LRRC4C: variants seen among roughly 807,000 people sequenced by gnomAD.
LRRC4C encodes leucine-rich repeat-containing protein 4C.
A neutral mutation model predicts 33.6 loss-of-function variants in LRRC4C; 5 were observed. The observed-to-expected ratio is 0.15, with a 90% CI of 0.08 to 0.31. The LOEUF (loss-of-function observed/expected upper bound fraction) is 0.31. Ranked by LOEUF, LRRC4C falls within the 10% of genes least tolerant of loss-of-function variation. The pLI, the probability that LRRC4C is intolerant of heterozygous loss-of-function variation, is 1.00. For missense variants in LRRC4C, 560 were observed against 796.7 expected (o/e 0.70, Z 3.58); for synonymous variants, 329 against 302.0 (o/e 1.09, Z -0.93).
At chr11:40,975,508 A>G (rs1852020340) in intron 1 of LRRC4C, among the ~76,000 whole-genome samples, 1 of 152,164 alleles carries the variant, frequency 6.6e-6, no homozygotes, top group African/African-American at 2.4e-5. Context: ...CCTCAGGATG[A>G]CTTTTCATGA....
intron 1 of LRRC4C, among the ~76,000 whole-genome samples, chr11:40,997,834 A>C (rs1432823087): frequency 1.3e-5 from 2 of 152,146 alleles, no homozygotes; most frequent in Admixed American, 6.6e-5. Context: ...ATATTAATAT[A>C]CAAACTTGCA....
intron 5 of LRRC4C, among the ~76,000 whole-genome samples, chr11:40,173,871 A>G (rs899987311): frequency 3.9e-5 from 6 of 152,314 alleles, no homozygotes; most frequent in Admixed American, 3.3e-4. Context: ...ATGAATACTT[A>G]TGTTGGTAAA....
chr11:40,256,763 C>T (rs761945533), intron 4 of LRRC4C, among the ~76,000 whole-genome samples: 12 of 152,080 alleles, frequency 7.9e-5, no homozygotes, highest in South Asian at 2.1e-4. Context: ...ATCTTTACAG[C>T]CAGAATCTTA....
intron 3 of LRRC4C, among the ~76,000 whole-genome samples, chr11:40,430,337 A>G (rs893018823): frequency 6.6e-5 from 10 of 152,110 alleles, no homozygotes; most frequent in African/African-American, 2.4e-4. Context: ...ATGGAAAAGC[A>G]GTATAGAAGA....
At chr11:40,154,947 G>A (rs1176500286) in intron 5 of LRRC4C, among the ~76,000 whole-genome samples, 1 of 152,076 alleles carries the variant, frequency 6.6e-6, no homozygotes, top group Non-Finnish European at 1.5e-5. Context: ...TAGACCATAT[G>A]ATAGGCCATA....
intron 1 of LRRC4C, among the ~76,000 whole-genome samples, chr11:41,052,771 T>G (rs989295349): frequency 2.6e-5 from 4 of 152,156 alleles, no homozygotes; most frequent in Non-Finnish European, 4.4e-5. Flanking sequence ...ATTCTGAAAT[T>G]TTTGCCCTTA....
At chr11:40,849,275 G>C (rs1953359431) in intron 2 of LRRC4C, among the ~76,000 whole-genome samples, 1 of 152,224 alleles carries the variant, frequency 6.6e-6, no homozygotes, top group Admixed American at 6.5e-5. Flanking sequence ...GCAGTGGCTT[G>C]TGCCAGGTTT....
chr11:40,801,576 C>T (rs1346863590), intron 2 of LRRC4C, among the ~76,000 whole-genome samples: 1 of 152,150 alleles, frequency 6.6e-6, no homozygotes, highest in Non-Finnish European at 1.5e-5. Flanking sequence ...AGGATGTGCT[C>T]AAACAACATT....
At chr11:41,002,207 A>G (rs529988836) in intron 1 of LRRC4C, among the ~76,000 whole-genome samples, 7 of 152,302 alleles carry the variant, frequency 4.6e-5, no homozygotes, top group African/African-American at 1.4e-4. Context: ...AGTCTCATGG[A>G]GTAAAGAGGA....
At chr11:41,121,264 G>T (rs532875584) in intron 1 of LRRC4C, among the ~76,000 whole-genome samples, 1 of 152,146 alleles carries the variant, frequency 6.6e-6, no homozygotes, top group East Asian at 1.9e-4. Context: ...CAAAAAGTCA[G>T]TCTTTGATCT....
chr11:41,439,590 A>C (rs539599273), intron 1 of LRRC4C, among the ~76,000 whole-genome samples: 1 of 152,174 alleles, frequency 6.6e-6, no homozygotes, highest in African/African-American at 2.4e-5. Context: ...ATGGTATTTC[A>C]TTGTGGTATT....
chr11:41,351,250 C>A (rs975940307), intron 1 of LRRC4C, among the ~76,000 whole-genome samples: 1 of 88,606 alleles, frequency 1.1e-5, no homozygotes, highest in Non-Finnish European at 2.6e-5. Context: ...CACACACACA[C>A]ATACACACAC....
chr11:40,721,989 A>T (rs544114815), intron 2 of LRRC4C, among the ~76,000 whole-genome samples: 1 of 152,260 alleles, frequency 6.6e-6, no homozygotes, highest in Non-Finnish European at 1.5e-5. Context: ...TGATAACATC[A>T]CTGTTCAAAC....
chr11:41,308,047 AG>A (rs1950549607), intron 1 of LRRC4C, among the ~76,000 whole-genome samples: 1 of 152,210 alleles, frequency 6.6e-6, no homozygotes, highest in African/African-American at 2.4e-5. Flanking sequence ...CACTTTCAGC[AG>A]ATCAGCAAAT....
At chr11:40,431,316 A>C (rs547527572) in intron 3 of LRRC4C, among the ~76,000 whole-genome samples, 1 of 149,518 alleles carries the variant, frequency 6.7e-6, no homozygotes, top group African/African-American at 2.5e-5. Flanking sequence ...AATCCCAGCT[A>C]CTCAGGAGGC....
intron 2 of LRRC4C, among the ~76,000 whole-genome samples, chr11:40,928,474 T>C (rs1336721737): frequency 6.6e-6 from 1 of 151,960 alleles, no homozygotes; most frequent in Non-Finnish European, 1.5e-5. Flanking sequence ...TAGTGGAATA[T>C]TTTCAAATGG....
intron 1 of LRRC4C, among the ~76,000 whole-genome samples, chr11:41,387,407 C>T (rs1479870628): frequency 6.6e-6 from 1 of 151,550 alleles, no homozygotes; most frequent in Non-Finnish European, 1.5e-5. Flanking sequence ...AAAGAGTTTT[C>T]TAAATCACAG....
At chr11:40,366,121 G>T (rs1948197496) in intron 3 of LRRC4C, among the ~76,000 whole-genome samples, 1 of 152,018 alleles carries the variant, frequency 6.6e-6, no homozygotes, top group African/African-American at 2.4e-5. Flanking sequence ...GACAAAGTTA[G>T]ATTTTTCCTA....
At chr11:41,226,611 T>C (rs79026207) in intron 1 of LRRC4C, among the ~76,000 whole-genome samples, 8,297 of 152,102 alleles carry the variant, frequency 0.055, 307 homozygotes, top group Non-Finnish European at 0.079. Context: ...TCATCTGTGT[T>C]CTTGATTCCA....
Sources: allele counts gnomAD v4.1 joint callset (sites outside exome capture counted in the v4.1 genomes callset), GRCh38; gene constraint gnomAD v4.1.1; transcripts MANE v1.5; gene names NCBI Gene and HGNC (gene_info 2026-07-23, HGNC 2026-07-21).